The following DCC variants were observed in gnomAD, a reference collection of about 807,000 sequenced individuals.
DCC encodes netrin receptor DCC.
A neutral mutation model predicts 172.5 loss-of-function variants in DCC; 58 were observed. That is an observed-to-expected ratio of 0.34 (90% CI 0.27 to 0.42). The LOEUF (loss-of-function observed/expected upper bound fraction) is 0.42, where lower values mean the gene tolerates loss of function less well. Among genes scored for constraint, DCC ranks in the 10% least tolerant of loss-of-function variants. DCC has a pLI of 1.00. For synonymous variants in DCC, 709 were observed against 644.5 expected, an observed-to-expected ratio of 1.10 and a Z score of -1.52; for missense variants, 1,740 against 1,791.0, an observed-to-expected ratio of 0.97 and a Z score of 0.51.
chr18:53,518,335 G>A (rs910489402), intron 27 of DCC, among the ~76,000 whole-genome samples: 1 of 152,100 alleles, frequency 6.6e-6, no homozygotes, highest in Non-Finnish European at 1.5e-5. Flanking sequence ...TCAAAACCAT[G>A]CTGTGCATTG....
intron 15 of DCC, among the ~76,000 whole-genome samples, chr18:53,375,387 T>C (rs1242752544): frequency 6.6e-6 from 1 of 152,058 alleles, no homozygotes; most frequent in African/African-American, 2.4e-5. Context: ...AGAAAGGAAA[T>C]GGGAAGAGGA....
chr18:53,265,652 A>G (rs2056664752), intron 12 of DCC, among the ~76,000 whole-genome samples: 1 of 152,240 alleles, frequency 6.6e-6, no homozygotes, highest in Non-Finnish European at 1.5e-5. Context: ...CATGGCATAT[A>G]GTTCCAGAAA....
rs187441711 is a variant in DCC at position 53,226,341 on chromosome 18, G to A, written c.1911+10744G>A. 9.9e-4 allele frequency among the ~76,000 whole-genome samples: 150 copies of A among 152,278 alleles called. 1 individual carries two copies. The highest frequency in any genetic ancestry group is 3.4e-3 in the Middle Eastern group (1 of 294). ...AAACTGAAAGTTTTGGTTCTAAAAT[G>A]TGCTGAGAAAGGAGAGCTAGAAGAG... On this transcript the variant is annotated intron_variant, in intron 12 of 28. Transcript: ENST00000442544.
intron 22 of DCC, among the ~76,000 whole-genome samples, chr18:53,444,595 G>A (rs1305387164): frequency 6.6e-6 from 1 of 152,158 alleles, no homozygotes; most frequent in Admixed American, 6.5e-5. Context: ...AAAGGCAAAA[G>A]CCTCCATCAG....
At chr18:52,341,619 T>G (rs1983639606) in intron 1 of DCC, among the ~76,000 whole-genome samples, 1 of 150,734 alleles carries the variant, frequency 6.6e-6, no homozygotes, top group African/African-American at 2.4e-5. Context: ...TAGCTCAGTT[T>G]CTAATTAAAA....
intron 15 of DCC, among the ~76,000 whole-genome samples, chr18:53,363,567 C>T (rs758176899): frequency 6.6e-6 from 1 of 152,154 alleles, no homozygotes; most frequent in African/African-American, 2.4e-5. Context: ...GTGGCCCTCT[C>T]TCTTCCTCAC....
At chr18:52,868,053 ATGTG>A (rs1555675518) in intron 2 of DCC, among the ~76,000 whole-genome samples, 6,291 of 144,222 alleles carry the variant, frequency 0.044, 156 homozygotes, top group Non-Finnish European at 0.061. Flanking sequence ...ATATATATAT[ATGTG>A]TGTGTGTGTG....
At chr18:53,052,257 T>C (rs1401449565) in intron 5 of DCC, among the ~76,000 whole-genome samples, 2 of 152,132 alleles carry the variant, frequency 1.3e-5, no homozygotes, top group Admixed American at 6.6e-5. Flanking sequence ...TCTAGCTCTA[T>C]TGAATTTATT....
intron 12 of DCC, among the ~76,000 whole-genome samples, chr18:53,242,167 A>G (rs1738396843): frequency 6.6e-6 from 1 of 152,184 alleles, no homozygotes; most frequent in African/African-American, 2.4e-5. Flanking sequence ...ATCACTGGTA[A>G]CAAAGGGAAA....
intron 7 of DCC, among the ~76,000 whole-genome samples, chr18:53,090,715 A>AT (rs1568298436): frequency 1.9e-5 from 2 of 107,676 alleles, no homozygotes; most frequent in African/African-American, 7.6e-5. Context: ...AAAAAAAAAA[A>AT]AAAAAAAAAA....
At chr18:52,491,784 G>T (rs2030514115) in intron 1 of DCC, among the ~76,000 whole-genome samples, 1 of 152,052 alleles carries the variant, frequency 6.6e-6, no homozygotes, top group Non-Finnish European at 1.5e-5. Context: ...TACTTGAGTA[G>T]CTGGTTTGTT....
At chr18:52,623,182 T>G (rs2144863639) in intron 1 of DCC, among the ~76,000 whole-genome samples, 1 of 152,266 alleles carries the variant, frequency 6.6e-6, no homozygotes, top group Non-Finnish European at 1.5e-5. Context: ...AAATAAAAAC[T>G]TTGAAGGGTA....
chr18:52,503,223 C>T (rs1371111888), intron 1 of DCC, among the ~76,000 whole-genome samples: 2 of 152,040 alleles, frequency 1.3e-5, no homozygotes, highest in South Asian at 4.1e-4. Flanking sequence ...GAATTAGAAG[C>T]CGAATGACTA....
At chr18:52,564,970 G>T (rs375250394) in intron 1 of DCC, among the ~76,000 whole-genome samples, 2 of 152,010 alleles carry the variant, frequency 1.3e-5, no homozygotes, top group Non-Finnish European at 2.9e-5. Flanking sequence ...CACTGCTTGC[G>T]AAAGGGAAGC....
chr18:52,667,771 G>A (rs1447061269), intron 1 of DCC, among the ~76,000 whole-genome samples: 2 of 152,142 alleles, frequency 1.3e-5, no homozygotes, highest in Non-Finnish European at 2.9e-5. Flanking sequence ...AGCAAAGAAA[G>A]AAAGAAAGAA....
At chr18:52,973,844 C>T (rs977374628) in intron 5 of DCC, among the ~76,000 whole-genome samples, 1 of 152,030 alleles carries the variant, frequency 6.6e-6, no homozygotes, top group East Asian at 1.9e-4. Flanking sequence ...GCTTATTTAT[C>T]TTTCATTTCT....
chr18:52,430,359 A>C (rs77350405), intron 1 of DCC, among the ~76,000 whole-genome samples: 1 of 140,986 alleles, frequency 7.1e-6, no homozygotes, highest in African/African-American at 2.7e-5. Flanking sequence ...GGGAGAAAAA[A>C]AAAGATGTGA....
rs184297018 is a variant in DCC, at chr18:52,401,726, G to T, written c.91+60848G>T. 9.9e-5 allele frequency among the ~76,000 whole-genome samples: 15 copies of T among 152,092 alleles called. 1 individual carries two copies. Among genetic ancestry groups the T allele is most frequent in the African/African-American group, 2.6e-4 (11 of 41,514 alleles). On this transcript the variant is annotated intron_variant, in intron 1 of 28. Transcript: ENST00000442544. Reference sequence around the variant, plus strand: ...GAATTATGTCTTTTCTTTCAAAAGTGAGATTTACTAGGAAAAGAACAAGCT... The same window carrying T: ...GAATTATGTCTTTTCTTTCAAAAGTTAGATTTACTAGGAAAAGAACAAGCT...
intron 1 of DCC, among the ~76,000 whole-genome samples, chr18:52,500,119 T>A (rs2030962252): frequency 6.6e-6 from 1 of 152,008 alleles, no homozygotes; most frequent in Non-Finnish European, 1.5e-5. Flanking sequence ...ACTAGTTTTT[T>A]TTTTTTTGCT....
Sources: gnomAD v4.1 joint callset for allele counts (sites outside exome capture counted in the v4.1 genomes callset) on GRCh38, gnomAD v4.1.1 for gene constraint, MANE v1.5 for transcripts, NCBI Gene and HGNC (gene_info 2026-07-23, HGNC 2026-07-21) for gene names.